PPFIBP2: variants seen among roughly 807,000 people sequenced by gnomAD.
PPFIBP2 encodes the protein PPFIB scaffold protein 2, also known as liprin-beta-2.
Under a neutral mutation model 118.3 loss-of-function variants are expected in PPFIBP2, and 118 were observed. The ratio of observed to expected loss-of-function variants is 1.00; its 90% CI spans 0.86 to 1.16. The LOEUF is 1.16. Among genes scored for constraint, PPFIBP2 ranks in the 50% most tolerant of loss-of-function variants. The pLI is 0.00. For missense variants in PPFIBP2, 1,195 were observed against 1,073.1 expected (o/e 1.11, Z -1.59); for synonymous variants, 414 against 397.4 (o/e 1.04, Z -0.50).
chr11:7,614,802 T>C (rs1240243814), intron 6 of PPFIBP2, among the ~76,000 whole-genome samples: 2 of 152,236 alleles, frequency 1.3e-5, no homozygotes, highest in Non-Finnish European at 2.9e-5. Flanking sequence ...ACTGTGATTA[T>C]GGGAGGTGCC....
chr11:7,516,369 G>A (rs1433418292), intron 1 of PPFIBP2, among the ~76,000 whole-genome samples: 1 of 152,154 alleles, frequency 6.6e-6, no homozygotes, highest in African/African-American at 2.4e-5. Context: ...AGAGGACTAG[G>A]GAATGGGACA....
chr11:7,615,957 T>C (rs1273250714), intron 6 of PPFIBP2, among the ~76,000 whole-genome samples: 1 of 152,188 alleles, frequency 6.6e-6, no homozygotes, highest in Non-Finnish European at 1.5e-5. Context: ...ATCTCACAGA[T>C]AATACCAATA....
At chr11:7,564,076 G>A (rs1400260212) in intron 2 of PPFIBP2, among the ~76,000 whole-genome samples, 3 of 151,986 alleles carry the variant, frequency 2.0e-5, no homozygotes, top group African/African-American at 7.3e-5. Context: ...TGAGGCAGGA[G>A]AATGGCATGA....
rs1258168943 is a variant in PPFIBP2, at chr11:7,605,750, G to T, written c.487-4541G>T. 57 of 1,354,820 alleles carry T rather than the reference G, an allele frequency of 4.2e-5. No individual in the cohort carries two copies. The Admixed American group carries it at 1.0e-3, about 25-fold the overall frequency. The allele number at this position is 1,354,820 out of a possible 1,614,324, so 83.9% of individuals were successfully genotyped here. ...CTAGTGGCCGCAGAAGAAATTAGAG[G>T]TTGAGTGAGCAAGTGGGACAGATGA... is the stretch of plus-strand genomic sequence containing the variant. On this transcript the variant is annotated intron_variant, in intron 5 of 23. Transcript: ENST00000299492.
downstream of PPFIBP2, among the ~76,000 whole-genome samples, chr11:7,656,556 G>C (rs906894252): frequency 6.6e-6 from 1 of 152,176 alleles, no homozygotes; most frequent in Non-Finnish European, 1.5e-5. Flanking sequence ...TATCTTAATA[G>C]TGTTGTTTAT....
chr11:7,518,758 AG>A (rs1032466929), intron 1 of PPFIBP2, among the ~76,000 whole-genome samples: 4 of 152,314 alleles, frequency 2.6e-5, no homozygotes, highest in African/African-American at 9.6e-5. Context: ...GTGAGGGAGA[AG>A]GGAACATGAA....
At chr11:7,600,836 C>G (rs1410991997) in intron 5 of PPFIBP2, among the ~76,000 whole-genome samples, 2 of 152,210 alleles carry the variant, frequency 1.3e-5, no homozygotes, top group Non-Finnish European at 2.9e-5. Flanking sequence ...ACTCAAAATC[C>G]AGATCTAAAG....
At chr11:7,544,958 A>G (rs954361226) in intron 1 of PPFIBP2, among the ~76,000 whole-genome samples, 4 of 152,000 alleles carry the variant, frequency 2.6e-5, no homozygotes, top group African/African-American at 9.7e-5. Context: ...GCTCCCTAGG[A>G]GATGCTGTGT....
At chr11:7,667,083 A>G in the PPFIBP2 span, 1 of 152,416 alleles carries the variant, frequency 6.6e-6, no homozygotes, top group African/African-American at 2.4e-5. Context: ...AGATAACTGC[A>G]CAGAAGACCT....
chr11:7,666,692 G>T, the PPFIBP2 span: 1 of 573,738 alleles, frequency 1.7e-6, no homozygotes, highest in Admixed American at 3.0e-5. Flanking sequence ...CGGCAAACAA[G>T]AGTTCTGCTG....
chr11:7,564,414 G>A (rs1854710755), intron 2 of PPFIBP2, among the ~76,000 whole-genome samples: 1 of 152,176 alleles, frequency 6.6e-6, no homozygotes, highest in Admixed American at 6.5e-5. Flanking sequence ...AGGAGATGAG[G>A]TATGGATATA....
At chr11:7,600,848 G>T (rs1861300632) in intron 5 of PPFIBP2, among the ~76,000 whole-genome samples, 1 of 152,206 alleles carries the variant, frequency 6.6e-6, no homozygotes, top group African/African-American at 2.4e-5. Context: ...GATCTAAAGA[G>T]TTAAGGATCT....
intron 6 of PPFIBP2, chr11:7,617,238 G>A (rs965203537): frequency 6.1e-5 from 60 of 985,318 alleles, no homozygotes; most frequent in South Asian, 9.4e-5. Context: ...GGCCAGCGAC[G>A]GTGTGGCCGA....
intron 17 of PPFIBP2, among the ~76,000 whole-genome samples, chr11:7,643,109 T>G (rs1404625364): frequency 6.6e-6 from 1 of 152,208 alleles, no homozygotes; most frequent in Non-Finnish European, 1.5e-5. Context: ...ATAGTCTAAG[T>G]AAGTCAGAGA....
At chr11:7,638,657 C>A (rs1041125536) in intron 14 of PPFIBP2, among the ~76,000 whole-genome samples, 2 of 152,192 alleles carry the variant, frequency 1.3e-5, no homozygotes, top group African/African-American at 4.8e-5. Context: ...ATATTACTTT[C>A]TTCAGGATCT....
At chr11:7,594,825 G>A (rs1859975329) in intron 4 of PPFIBP2, among the ~76,000 whole-genome samples, 1 of 149,652 alleles carries the variant, frequency 6.7e-6, no homozygotes, top group African/African-American at 2.5e-5. Context: ...GCTGACGTAG[G>A]AGAATTGATT....
chr11:7,666,457 G>C, the PPFIBP2 span: 2 of 1,609,394 alleles, frequency 1.2e-6, no homozygotes, highest in Non-Finnish European at 1.7e-6. Flanking sequence ...GTACCAATGG[G>C]AGGCCTGTCC....
At chr11:7,518,333 A>G (rs2134231010) in intron 1 of PPFIBP2, among the ~76,000 whole-genome samples, 1 of 152,282 alleles carries the variant, frequency 6.6e-6, no homozygotes, top group Non-Finnish European at 1.5e-5. Flanking sequence ...CTTCAGTTAC[A>G]TGAGAGAGAA....
At chr11:7,586,328 C>G (rs1858176074) in intron 3 of PPFIBP2, among the ~76,000 whole-genome samples, 1 of 152,108 alleles carries the variant, frequency 6.6e-6, no homozygotes, top group Admixed American at 6.5e-5. Context: ...TAAATGATGC[C>G]TTCTAACTCA....
Sources: gnomAD v4.1 joint callset for allele counts (sites outside exome capture counted in the v4.1 genomes callset) on GRCh38, gnomAD v4.1.1 for gene constraint, MANE v1.5 for transcripts, NCBI Gene and HGNC (gene_info 2026-07-23, HGNC 2026-07-21) for gene names.